Variants in EPHB1 observed in about 807,000 individuals in gnomAD.
The protein encoded by EPHB1 is ephrin type-B receptor 1.
Under a neutral mutation model 94.4 loss-of-function variants are expected in EPHB1, and 30 were observed. The observed-to-expected ratio is 0.32, with a 90% CI of 0.24 to 0.43. The LOEUF (loss-of-function observed/expected upper bound fraction) is 0.43. Among genes scored for constraint, EPHB1 ranks in the 20% least tolerant of loss-of-function variants. The pLI is 1.00. For missense variants in EPHB1, 1,055 were observed against 1,308.3 expected (o/e 0.81, Z 2.99); for synonymous variants, 522 against 489.1 (o/e 1.07, Z -0.89).
intron 4 of EPHB1, among the ~76,000 whole-genome samples, chr3:135,119,757 T>C (rs1346973075): frequency 6.6e-6 from 1 of 152,238 alleles, no homozygotes; most frequent in African/African-American, 2.4e-5. Flanking sequence ...TGGGCTTTTA[T>C]ACTTTCTTTT....
At chr3:135,248,620 G>C in intron 14 of EPHB1, 111 bp downstream of exon 14, 4 of 1,091,398 alleles carry the variant, frequency 3.7e-6, no homozygotes, top group Non-Finnish European at 1.3e-6. Context: ...GTATCTAGTT[G>C]CAGTGTGGGC....
intron 3 of EPHB1, among the ~76,000 whole-genome samples, chr3:134,979,333 T>C (rs763630262): frequency 2.0e-5 from 3 of 152,078 alleles, no homozygotes; most frequent in Non-Finnish European, 2.9e-5. Context: ...ACGTTTCAGT[T>C]CTTTCTGTAA....
At chr3:134,908,040 C>T (rs1452417137) in intron 1 of EPHB1, among the ~76,000 whole-genome samples, 9 of 152,340 alleles carry the variant, frequency 5.9e-5, no homozygotes, top group Admixed American at 5.9e-4. Flanking sequence ...GGTCTCATTT[C>T]CATCTTCTTC....
At chr3:135,046,371 T>C (rs1279479033) in intron 3 of EPHB1, among the ~76,000 whole-genome samples, 1 of 152,220 alleles carries the variant, frequency 6.6e-6, no homozygotes, top group African/African-American at 2.4e-5. Context: ...CTCTTCTTCT[T>C]TTTGTTTGTA....
intron 10 of EPHB1, among the ~76,000 whole-genome samples, chr3:135,184,070 G>A (rs1942264775): frequency 6.6e-6 from 1 of 152,174 alleles, no homozygotes; most frequent in South Asian, 2.1e-4. Context: ...CTAGGATCAA[G>A]GCTGCATTTA....
At chr3:135,115,811 A>C (rs895933245) in intron 4 of EPHB1, among the ~76,000 whole-genome samples, 5 of 152,208 alleles carry the variant, frequency 3.3e-5, no homozygotes, top group African/African-American at 1.2e-4. Context: ...TAAAATGCCT[A>C]ACTCAGTGTT....
At chr3:135,147,798 C>T (rs751228017) in intron 5 of EPHB1, among the ~76,000 whole-genome samples, 1 of 152,204 alleles carries the variant, frequency 6.6e-6, no homozygotes, top group East Asian at 1.9e-4. Flanking sequence ...AAGGCAGAGG[C>T]AGCTCAGCTG....
At chr3:135,068,376 T>A (rs1374228410) in intron 3 of EPHB1, among the ~76,000 whole-genome samples, 1 of 152,258 alleles carries the variant, frequency 6.6e-6, no homozygotes. Context: ...CCTGTAGGTA[T>A]GAAGTGATAT....
chr3:134,994,381 C>T (rs1165033775), intron 3 of EPHB1, among the ~76,000 whole-genome samples: 1 of 152,214 alleles, frequency 6.6e-6, no homozygotes, highest in Non-Finnish European at 1.5e-5. Context: ...GCATCTGAAG[C>T]TCTTGAGATA....
chr3:134,862,301 G>A (rs2037281023), intron 1 of EPHB1, among the ~76,000 whole-genome samples: 1 of 152,132 alleles, frequency 6.6e-6, no homozygotes, highest in Non-Finnish European at 1.5e-5. Flanking sequence ...GAGAGGAAGA[G>A]CAGTTTGAGT....
chr3:134,810,634 C>G (rs556200425), intron 1 of EPHB1, among the ~76,000 whole-genome samples: 1 of 152,220 alleles, frequency 6.6e-6, no homozygotes, highest in African/African-American at 2.4e-5. Flanking sequence ...TCTGGTTCAG[C>G]TGAGCTTGAC....
At chr3:134,854,289 G>A (rs967198064) in intron 1 of EPHB1, among the ~76,000 whole-genome samples, 10 of 152,156 alleles carry the variant, frequency 6.6e-5, no homozygotes, top group Non-Finnish European at 1.2e-4. Flanking sequence ...GATTCTGCTT[G>A]ATGATTTAGG....
At chr3:135,005,730 G>A (rs528715589) in intron 3 of EPHB1, among the ~76,000 whole-genome samples, 19 of 152,276 alleles carry the variant, frequency 1.2e-4, no homozygotes, top group East Asian at 9.7e-4. Context: ...TCCAGGTGCC[G>A]TCCATCACCC....
chr3:135,243,519 A>G (rs572000085), intron 13 of EPHB1, among the ~76,000 whole-genome samples: 1 of 152,326 alleles, frequency 6.6e-6, no homozygotes, highest in African/African-American at 2.4e-5. Flanking sequence ...AAAGCCCCTA[A>G]GCATTGTCTC....
At chr3:135,257,554 C>T (rs145582857) in intron 15 of EPHB1, among the ~76,000 whole-genome samples, 52,147 of 151,332 alleles carry the variant, frequency 0.34, 9,039 homozygotes, top group Middle Eastern at 0.43. Context: ...AGGGACCCAC[C>T]TGAGGAGGCA....
At chr3:135,196,807 T>C (rs1257826696) in intron 11 of EPHB1, among the ~76,000 whole-genome samples, 3 of 152,196 alleles carry the variant, frequency 2.0e-5, no homozygotes, top group African/African-American at 4.8e-5. Context: ...AGAGATACCA[T>C]TATGCTTCAA....
chr3:135,213,676 T>C (rs369923670), intron 12 of EPHB1, among the ~76,000 whole-genome samples: 1 of 152,152 alleles, frequency 6.6e-6, no homozygotes, highest in South Asian at 2.1e-4. Flanking sequence ...ATCCCACAAA[T>C]CTCTGGATAG....
At chr3:135,126,094 C>A (rs1207374845) in intron 4 of EPHB1, among the ~76,000 whole-genome samples, 1 of 152,306 alleles carries the variant, frequency 6.6e-6, no homozygotes, top group Non-Finnish European at 1.5e-5. Context: ...GTCTCTCCCA[C>A]CATCCATACG....
Position 135,133,103 on chromosome 3 carries a change from T to G in EPHB1, c.1297+54T>G, listed in dbSNP as rs1576414865. 4 of 1,501,906 alleles carry G rather than the reference T, an allele frequency of 2.7e-6. No homozygotes were observed. The East Asian group carries it at 9.2e-5, about 35-fold the overall frequency. 93.0% of individuals were successfully genotyped at this position (1,501,906 alleles called of 1,614,324 possible). The stretch of plus-strand genomic sequence containing the variant: ...TTGGATGTGTGGCTGGCTCTTTGTC[T>G]CTAGGCAGGGACACAGCTGCAGCCA... On this transcript the variant is annotated intron_variant, in intron 5 of 15. Coordinates refer to ENST00000398015, the MANE Select transcript of EPHB1 (RefSeq NM_004441.5).
Sources: allele counts gnomAD v4.1 joint callset (sites outside exome capture counted in the v4.1 genomes callset), GRCh38; gene constraint gnomAD v4.1.1; transcripts MANE v1.5; gene names NCBI Gene and HGNC (gene_info 2026-07-23, HGNC 2026-07-21).